Variants in TBC1D23 observed in about 807,000 individuals in gnomAD.
TBC1D23 encodes HCV non-structural protein 4A-transactivated protein 1.
In TBC1D23, 55 loss-of-function variants were observed where a neutral mutation model predicts 91.4. That is an observed-to-expected ratio of 0.60 (90% CI 0.48 to 0.75). TBC1D23 has a LOEUF of 0.75. Ranked by LOEUF, TBC1D23 falls within the 30% of genes least tolerant of loss-of-function variation. The pLI is 0.00. For synonymous variants in TBC1D23, 289 were observed against 281.0 expected (o/e 1.03, Z -0.28); for missense variants, 725 against 836.1 (o/e 0.87, Z 1.64).
At chr3:100,290,454 C>A in intron 4 of TBC1D23, 124 bp from the exon 5 acceptor site, 1 of 835,274 alleles carries the variant, frequency 1.2e-6, no homozygotes, top group Non-Finnish European at 1.9e-6. Flanking sequence ...CAAGAGACCT[C>A]TGCCTGCTAC....
chr3:100,310,351 G>T, intron 13 of TBC1D23, 52 bp from the exon 14 acceptor site: 1 of 1,518,258 alleles, frequency 6.6e-7, no homozygotes. Context: ...ATTAGCAGTA[G>T]TATGTCTTTT....
intron 12 of TBC1D23, among the ~76,000 whole-genome samples, chr3:100,305,558 A>G (rs1705503001): frequency 6.6e-6 from 1 of 152,170 alleles, no homozygotes; most frequent in African/African-American, 2.4e-5. Flanking sequence ...AATATGTAAG[A>G]ATCACATGCT....
chr3:100,290,402 C>A (rs1298366882), intron 4 of TBC1D23, among the ~76,000 whole-genome samples, 176 bp from the exon 5 acceptor site: 3 of 152,174 alleles, frequency 2.0e-5, no homozygotes, highest in Non-Finnish European at 4.4e-5. Context: ...CCTACTGTTT[C>A]TGCAACTTTT....
intron 1 of TBC1D23, among the ~76,000 whole-genome samples, chr3:100,278,940 G>T (rs1164797157): frequency 2.6e-5 from 4 of 152,072 alleles, no homozygotes; most frequent in African/African-American, 9.7e-5. Context: ...ACTGCTCTAG[G>T]CATGATACTG....
chr3:100,261,154 C>G (rs532812508), intron 1 of TBC1D23, 83 bp downstream of exon 1: 2 of 1,395,792 alleles, frequency 1.4e-6, no homozygotes, highest in African/African-American at 2.8e-5. Flanking sequence ...AGCCGTCTGG[C>G]GTCGGCATGG....
chr3:100,289,579 C>T (rs184950886), intron 4 of TBC1D23, among the ~76,000 whole-genome samples: 1 of 152,218 alleles, frequency 6.6e-6, no homozygotes, highest in Non-Finnish European at 1.5e-5. Flanking sequence ...GGCTCAGATG[C>T]TTGGGTGCCT....
At position 100,304,951 on chromosome 3, in the gene TBC1D23, A is replaced by G. The variant is rs891381608; in HGVS notation, c.1306+63A>G. On this transcript the variant is annotated intron_variant, in intron 12 of 18. Transcript: ENST00000394144. ...TCAGAAGAAATTGTATTGATTATCA[A>G]TAGAGTTGATCTGGAGTGGTCACAT... 8 of 914,418 alleles carry G rather than the reference A, an allele frequency of 8.7e-6. No homozygotes were observed. The Admixed American group carries it at 1.1e-4, about 13-fold the overall frequency. 56.6% of individuals were successfully genotyped at this position (914,418 alleles called of 1,614,324 possible). A position where few individuals can be genotyped will look rare whatever the true frequency, so the allele number is the denominator to read the frequency against.
Position 100,295,327 on chromosome 3 carries a change from G to C in TBC1D23, c.751G>C (p.Asp251His), listed in dbSNP as rs2067829960. ...AKEVILTQES[D>H]SKEEVIKFLE... is the part of the protein sequence containing the mutation. ...AGAAGTTATTTTAACACAAGAGTCA[G>C]ACAGCAAAGAAGAAGTTATCAGTAA... Residue 251 changes from aspartate to histidine, a missense_variant, in exon 7 of 19, where the codon GAC (aspartate) becomes CAC (histidine). By Grantham distance (81) the Asp-to-His change is moderately conservative. Transcript: ENST00000394144. The C allele has an allele frequency of 1.2e-6, 2 of 1,610,000 alleles. No homozygotes were observed. The highest frequency in any genetic ancestry group is 4.5e-5 in the East Asian group (2 of 44,730).
intron 1 of TBC1D23, among the ~76,000 whole-genome samples, chr3:100,278,892 C>T (rs1358489897): frequency 2.6e-5 from 4 of 151,826 alleles, no homozygotes; most frequent in African/African-American, 9.7e-5. Flanking sequence ...ATCCTTTTTT[C>T]CCTCTAACAT....
At chr3:100,281,334 T>A (rs936126710) in intron 2 of TBC1D23, among the ~76,000 whole-genome samples, 43 of 151,994 alleles carry the variant, frequency 2.8e-4, no homozygotes, top group East Asian at 1.9e-4. Context: ...TTTTACATTT[T>A]AAAAAAAACC....
At chr3:100,318,954 G>GT (rs1261029403) in intron 16 of TBC1D23, 115 bp from the exon 17 acceptor site, 1 of 638,576 alleles carries the variant, frequency 1.6e-6, no homozygotes, top group African/African-American at 1.9e-5. Flanking sequence ...TGCCCAGGCT[G>GT]TTTGTTTTTC....
chr3:100,316,124 G>A lies in TBC1D23; in HGVS notation c.1624G>A (p.Gly542Ser). 6.2e-7 allele frequency: 1 copy of A among 1,614,020 alleles called. No homozygotes were observed. The highest frequency in any genetic ancestry group is 8.5e-7 in the Non-Finnish European group (1 of 1,179,952). ...GCATGTGAGCAGCAGTGACAGAGTGGGCAAGCCTTACCGTGGCGTAAAGCC... is the reference window on the plus strand; with the variant it reads ...GCATGTGAGCAGCAGTGACAGAGTGAGCAAGCCTTACCGTGGCGTAAAGCC... ...ERHVSSSDRVGKPYRGVKPVF... is the reference protein window; with the variant it reads ...ERHVSSSDRVSKPYRGVKPVF... Residue 542 changes from glycine to serine, a missense_variant, in exon 16 of 19, where the codon GGC (glycine) becomes AGC (serine). By Grantham distance (56) the Gly-to-Ser change is moderately conservative. Coordinates refer to ENST00000394144, the MANE Select transcript of TBC1D23 (RefSeq NM_001199198.3).
At chr3:100,296,961 T>C (rs2067847230) in intron 8 of TBC1D23, among the ~76,000 whole-genome samples, 1 of 151,896 alleles carries the variant, frequency 6.6e-6, no homozygotes, top group Non-Finnish European at 1.5e-5. Context: ...GTCTTAATAA[T>C]GCTGAGCTGT....
chr3:100,304,958 TGA>T, intron 12 of TBC1D23, 70 bp downstream of exon 12: 2 of 844,578 alleles, frequency 2.4e-6, no homozygotes, highest in Non-Finnish European at 4.0e-6. Flanking sequence ...TCAATAGAGT[TGA>T]TCTGGAGTGG....
intron 13 of TBC1D23, among the ~76,000 whole-genome samples, chr3:100,309,547 A>T (rs1469200308): frequency 6.6e-6 from 1 of 151,950 alleles, no homozygotes; most frequent in Non-Finnish European, 1.5e-5. Flanking sequence ...ATAATAAAAA[A>T]GATAATGTCA....
At chr3:100,295,054 G>T in intron 5 of TBC1D23, 33 bp from the exon 6 acceptor site, 2 of 1,544,818 alleles carry the variant, frequency 1.3e-6, no homozygotes, top group Non-Finnish European at 1.7e-6. Flanking sequence ...ACCTCCAGTG[G>T]TTTATGTCTC....
At chr3:100,314,907 T>A (rs997477839) in intron 15 of TBC1D23, among the ~76,000 whole-genome samples, 2 of 152,114 alleles carry the variant, frequency 1.3e-5, no homozygotes, top group African/African-American at 4.8e-5. Flanking sequence ...AAAGCTAGAG[T>A]CTTCCTTTGT....
rs1243296306 is a variant in TBC1D23, at chr3:100,290,496, G to A, written c.477-82G>A. 7.3e-6 allele frequency: 9 copies of A among 1,233,392 alleles called. No individual in the cohort carries two copies. The Admixed American group carries it at 1.1e-4, about 15-fold the overall frequency. 76.4% of individuals were successfully genotyped at this position (1,233,392 alleles called of 1,614,324 possible). On this transcript the variant is annotated intron_variant, in intron 4 of 18. Transcript: ENST00000394144. ...GTAGGCTTCCAGTGAATGCTGTGGA[G>A]GGTATAGCAGGAAGATTGGTTACTG...
chr3:100,311,807 C>G (rs1705630005), intron 14 of TBC1D23, 26 bp from the exon 15 acceptor site: 1 of 1,509,794 alleles, frequency 6.6e-7, no homozygotes, highest in South Asian at 1.2e-5. Context: ...TCATTTTGTT[C>G]TGTCCTCTGC....
Sources: allele counts gnomAD v4.1 joint callset (sites outside exome capture counted in the v4.1 genomes callset), GRCh38; gene constraint gnomAD v4.1.1; transcripts MANE v1.5; gene names NCBI Gene and HGNC (gene_info 2026-07-23, HGNC 2026-07-21).